The following RASSF6 variants were observed in gnomAD, a reference collection of about 807,000 sequenced individuals.
The protein encoded by RASSF6 is Ras association domain family member 6.
In RASSF6, 52 loss-of-function variants were observed where a neutral mutation model predicts 44.0. The observed-to-expected ratio is 1.18, with a 90% CI of 0.95 to 1.49. The LOEUF (loss-of-function observed/expected upper bound fraction) is 1.49. Among genes scored for constraint, RASSF6 ranks in the 40% most tolerant of loss-of-function variants. RASSF6 has a pLI of 0.00. For synonymous variants in RASSF6, 162 were observed against 124.6 expected (o/e 1.30, Z -2.00); for missense variants, 464 against 393.3 (o/e 1.18, Z -1.52).
chr4:73,616,221 A>ATATCTATATCTATC (rs1553906491), intron 1 of RASSF6, among the ~76,000 whole-genome samples: 1 of 148,918 alleles, frequency 6.7e-6, no homozygotes, highest in African/African-American at 2.5e-5. Context: ...ACATATATCT[A>ATATCTATATCTATC]TATCTATCTA....
At chr4:73,598,748 A>G (rs1725097850) in intron 2 of RASSF6, 30 bp from the exon 3 acceptor site, 1 of 990,644 alleles carries the variant, frequency 1.0e-6, no homozygotes, top group Non-Finnish European at 1.5e-6. Flanking sequence ...AATTACAATC[A>G]GTCTTAGAGT....
At chr4:73,619,199 A>G (rs111287334) in intron 1 of RASSF6, among the ~76,000 whole-genome samples, 224 of 152,306 alleles carry the variant, frequency 1.5e-3, no homozygotes, top group African/African-American at 5.1e-3. Context: ...TAACTCTCTT[A>G]CTCTAAAATT....
At chr4:73,581,494 C>A (rs1003795210) in intron 8 of RASSF6, among the ~76,000 whole-genome samples, 8 of 151,984 alleles carry the variant, frequency 5.3e-5, no homozygotes, top group African/African-American at 1.9e-4. Flanking sequence ...AAAGGAAAGC[C>A]AAAAAGAAAG....
At chr4:73,584,810 T>G (rs942206907) in intron 6 of RASSF6, among the ~76,000 whole-genome samples, 1 of 152,072 alleles carries the variant, frequency 6.6e-6, no homozygotes, top group Non-Finnish European at 1.5e-5. Context: ...AGTTCACCCA[T>G]CATGGTGGTT....
intron 6 of RASSF6, 71 bp from the exon 7 acceptor site, chr4:73,582,361 ATCT>A (rs148589925): frequency 0.25 from 170,608 of 678,756 alleles, 23,966 homozygotes; most frequent in Admixed American, 0.4. Flanking sequence ...CTTGAACATA[ATCT>A]TCTTATAGGG....
intron 2 of RASSF6, chr4:73,604,473 A>G (rs1205846607): frequency 6.6e-6 from 1 of 152,062 alleles, no homozygotes; most frequent in Non-Finnish European, 1.5e-5. Context: ...CTCTGTCTCA[A>G]AAAAACAAAA....
intron 6 of RASSF6, 36 bp from the exon 7 acceptor site, chr4:73,582,326 A>G (rs764969414): frequency 1.8e-6 from 2 of 1,099,660 alleles, no homozygotes; most frequent in Admixed American, 2.1e-5. Context: ...CTTTAAAATT[A>G]TATTATATTA....
At chr4:73,582,390 G>A (rs1578022074) in intron 6 of RASSF6, 100 bp from the exon 7 acceptor site, 2 of 495,716 alleles carry the variant, frequency 4.0e-6, no homozygotes, top group East Asian at 6.7e-5. Flanking sequence ...AAAATCCAAG[G>A]TCATTAATTT....
chr4:73,580,779 T>C (rs558873657), intron 8 of RASSF6, among the ~76,000 whole-genome samples: 2 of 88,102 alleles, frequency 2.3e-5, no homozygotes, highest in African/African-American at 6.7e-5. Context: ...ATTAGCTCTT[T>C]GTCAGATGAG....
At chr4:73,577,038 T>C (rs1723282600) in intron 8 of RASSF6, among the ~76,000 whole-genome samples, 1 of 152,188 alleles carries the variant, frequency 6.6e-6, no homozygotes, top group Non-Finnish European at 1.5e-5. Flanking sequence ...TTAGGTTTCA[T>C]TCCACCATTC....
intron 2 of RASSF6, among the ~76,000 whole-genome samples, chr4:73,606,175 C>T (rs984847464): frequency 2.0e-5 from 3 of 152,202 alleles, no homozygotes; most frequent in African/African-American, 7.2e-5. Flanking sequence ...AGGTGCCCAT[C>T]TGTGCTGGAT....
chr4:73,599,821 T>A lies in RASSF6; in HGVS notation c.66-1103A>T, dbSNP rs1351986016. On this transcript the variant is annotated intron_variant, in intron 2 of 10. Coordinates refer to ENST00000307439, the MANE Select transcript of RASSF6 (RefSeq NM_177532.5). ...TTGTTTTTCAGATTAAAAGCCAACATCCTTACAATGGCTTAAAAGGCTGGA... is the reference window on the plus strand; with the variant it reads ...TTGTTTTTCAGATTAAAAGCCAACAACCTTACAATGGCTTAAAAGGCTGGA... Among the ~76,000 whole-genome samples, 6 of 152,166 alleles carry A rather than the reference T, an allele frequency of 3.9e-5. 1 individual carries two copies. The highest frequency in any genetic ancestry group is 8.8e-5 in the Non-Finnish European group (6 of 68,030).
At chr4:73,606,083 T>C (rs540731070) in intron 2 of RASSF6, among the ~76,000 whole-genome samples, 1 of 151,956 alleles carries the variant, frequency 6.6e-6, no homozygotes, top group Non-Finnish European at 1.5e-5. Flanking sequence ...CAAAGGAAAA[T>C]AAAACATTCT....
At chr4:73,579,386 A>G (rs914499268) in intron 8 of RASSF6, among the ~76,000 whole-genome samples, 3 of 152,210 alleles carry the variant, frequency 2.0e-5, no homozygotes, top group African/African-American at 7.2e-5. Flanking sequence ...GAAGAAAGTC[A>G]TATTTTCACT....
At chr4:73,618,967 T>C (rs1176997484) in intron 1 of RASSF6, among the ~76,000 whole-genome samples, 1 of 152,234 alleles carries the variant, frequency 6.6e-6, no homozygotes, top group Non-Finnish European at 1.5e-5. Flanking sequence ...CACTTTCCTG[T>C]AATTTAAGCT....
chr4:73,586,448 T>C (rs1724101397), intron 5 of RASSF6, among the ~76,000 whole-genome samples: 2 of 152,120 alleles, frequency 1.3e-5, no homozygotes, highest in East Asian at 3.9e-4. Flanking sequence ...TGAATTGAGC[T>C]ACAATGTGTT....
At chr4:73,617,036 T>A (rs1264281486) in intron 1 of RASSF6, among the ~76,000 whole-genome samples, 1 of 152,234 alleles carries the variant, frequency 6.6e-6, no homozygotes, top group Non-Finnish European at 1.5e-5. Context: ...ATACTTTTTC[T>A]TAAAATGTGC....
At chr4:73,612,086 A>T (rs1292345815) in intron 1 of RASSF6, among the ~76,000 whole-genome samples, 3 of 152,208 alleles carry the variant, frequency 2.0e-5, no homozygotes, top group African/African-American at 7.2e-5. Context: ...CAAAATAAAT[A>T]TGACTCTATT....
At chr4:73,582,738 G>T (rs1723768793) in intron 6 of RASSF6, among the ~76,000 whole-genome samples, 1 of 151,932 alleles carries the variant, frequency 6.6e-6, no homozygotes, top group Non-Finnish European at 1.5e-5. Flanking sequence ...TGGGTTTTGG[G>T]GTGGCTCATT....
Sources: gnomAD v4.1 joint callset for allele counts (sites outside exome capture counted in the v4.1 genomes callset) on GRCh38, gnomAD v4.1.1 for gene constraint, MANE v1.5 for transcripts, NCBI Gene and HGNC (gene_info 2026-07-23, HGNC 2026-07-21) for gene names.